The following FRMD6 variants were observed in gnomAD, a reference collection of about 807,000 sequenced individuals.
FRMD6 encodes the protein FERM domain containing 6.
A neutral mutation model predicts 73.2 loss-of-function variants in FRMD6; 37 were observed. The ratio of observed to expected loss-of-function variants is 0.51; its 90% confidence interval spans 0.39 to 0.66. FRMD6 has a LOEUF of 0.66. Ranked by LOEUF, FRMD6 falls within the 30% of genes least tolerant of loss-of-function variation. FRMD6 has a pLI of 0.00. For synonymous variants in FRMD6, 273 were observed against 282.2 expected, an observed-to-expected ratio of 0.97 and a Z score of 0.33; for missense variants, 714 against 780.5, an observed-to-expected ratio of 0.91 and a Z score of 1.02.
At chr14:51,607,561 G>T (rs1890313406) in intron 2 of FRMD6, among the ~76,000 whole-genome samples, 2 of 152,020 alleles carry the variant, frequency 1.3e-5, no homozygotes, top group Non-Finnish European at 2.9e-5. Flanking sequence ...CAAAATACAG[G>T]TAAAGCCAAG....
At chr14:51,520,423 A>G (rs1399818652) in intron 1 of FRMD6, among the ~76,000 whole-genome samples, 1 of 152,216 alleles carries the variant, frequency 6.6e-6, no homozygotes, top group Non-Finnish European at 1.5e-5. Context: ...TGATACAACA[A>G]TTCCTCTCCT....
At chr14:51,633,330 G>T (rs374754584) in intron 2 of FRMD6, among the ~76,000 whole-genome samples, 1 of 149,500 alleles carries the variant, frequency 6.7e-6, no homozygotes. Flanking sequence ...GGCTGGGTGC[G>T]GTAGCTCATG....
the FRMD6 span, among the ~76,000 whole-genome samples, chr14:51,421,319 A>G: frequency 1.3e-5 from 2 of 152,224 alleles, no homozygotes; most frequent in Non-Finnish European, 2.9e-5. Flanking sequence ...CTGGATTGAA[A>G]GCAGCAGGAA....
intron 2 of FRMD6, among the ~76,000 whole-genome samples, chr14:51,639,067 T>TA (rs1436764188): frequency 8.5e-5 from 13 of 152,088 alleles, no homozygotes; most frequent in African/African-American, 3.1e-4. Context: ...ATTTTTTTTT[T>TA]TTATTAAAAC....
chr14:51,700,925 GT>G (rs1471059983), intron 3 of FRMD6, 130 bp from the exon 4 acceptor site: 1 of 448,478 alleles, frequency 2.2e-6, no homozygotes, highest in Non-Finnish European at 4.0e-6. Context: ...ATCTCTTTGG[GT>G]TTTCTAGTAT....
intron 1 of FRMD6, among the ~76,000 whole-genome samples, chr14:51,681,201 C>G (rs1028820773): frequency 6.6e-6 from 1 of 152,150 alleles, no homozygotes; most frequent in Non-Finnish European, 1.5e-5. Flanking sequence ...TTCCTAACCC[C>G]GAGGTTAACC....
intron 1 of FRMD6, among the ~76,000 whole-genome samples, chr14:51,667,907 T>C (rs183521694): frequency 1.3e-5 from 2 of 152,322 alleles, no homozygotes; most frequent in African/African-American, 4.8e-5. Context: ...TGGTTTGTAA[T>C]TGACTAAATT....
chr14:51,469,727 C>G, the FRMD6 span, among the ~76,000 whole-genome samples: 3 of 148,704 alleles, frequency 2.0e-5, no homozygotes, highest in Non-Finnish European at 1.5e-5. Context: ...ATGAGAAATA[C>G]TTTATTTTTT....
intron 2 of FRMD6, among the ~76,000 whole-genome samples, chr14:51,615,308 T>G (rs1890667638): frequency 6.6e-6 from 1 of 152,230 alleles, no homozygotes; most frequent in African/African-American, 2.4e-5. Context: ...TGTTGATCCT[T>G]ATTTCTTCTA....
the FRMD6 span, among the ~76,000 whole-genome samples, chr14:51,450,469 A>G: frequency 1.3e-4 from 20 of 152,286 alleles, 1 homozygote; most frequent in Middle Eastern, 0.017. Flanking sequence ...AATGCCTAGA[A>G]GCTCTTCCAA....
intron 1 of FRMD6, among the ~76,000 whole-genome samples, chr14:51,562,025 C>G (rs1887511651): frequency 1.3e-5 from 2 of 152,194 alleles, no homozygotes; most frequent in Non-Finnish European, 2.9e-5. Context: ...TGGCCAGAAT[C>G]AAAGATTCCC....
chr14:51,617,118 C>T (rs1890747306), intron 2 of FRMD6, among the ~76,000 whole-genome samples: 1 of 152,222 alleles, frequency 6.6e-6, no homozygotes, highest in Admixed American at 6.5e-5. Flanking sequence ...CAGTGTTGCT[C>T]TTGCTAAGGC....
At chr14:51,493,827 G>A (rs1883148640) in intron 1 of FRMD6, among the ~76,000 whole-genome samples, 2 of 152,112 alleles carry the variant, frequency 1.3e-5, no homozygotes, top group South Asian at 4.1e-4. Context: ...GTGTCAGTCT[G>A]TTCAGGCTGC....
At chr14:51,652,656 G>C (rs1335472711) in intron 1 of FRMD6, among the ~76,000 whole-genome samples, 1 of 152,218 alleles carries the variant, frequency 6.6e-6, no homozygotes, top group Non-Finnish European at 1.5e-5. Context: ...GGCGCCAGAC[G>C]GGGGCCTGGG....
the FRMD6 span, among the ~76,000 whole-genome samples, chr14:51,440,115 T>C: frequency 6.6e-6 from 1 of 152,216 alleles, no homozygotes; most frequent in South Asian, 2.1e-4. Flanking sequence ...GCAGCGCCCT[T>C]GATCTATTTA....
intron 2 of FRMD6, among the ~76,000 whole-genome samples, chr14:51,627,040 T>C (rs1447997027): frequency 3.9e-5 from 6 of 152,234 alleles, no homozygotes; most frequent in Non-Finnish European, 8.8e-5. Flanking sequence ...TGCCTAATGA[T>C]CTGATATTTA....
the FRMD6 span, among the ~76,000 whole-genome samples, chr14:51,462,715 A>C: frequency 1.3e-5 from 2 of 152,100 alleles, no homozygotes; most frequent in African/African-American, 2.4e-5. Flanking sequence ...TTGGAAGTTG[A>C]ATTGTGAAGA....
At chr14:51,614,358 G>A (rs80289824) in intron 2 of FRMD6, among the ~76,000 whole-genome samples, 31,764 of 151,994 alleles carry the variant, frequency 0.21, 3,674 homozygotes, top group East Asian at 0.29. Context: ...AACAAAGATT[G>A]TCTTTTTGTT....
At chr14:51,606,590 T>C (rs989861895) in intron 2 of FRMD6, among the ~76,000 whole-genome samples, 3 of 152,084 alleles carry the variant, frequency 2.0e-5, no homozygotes, top group Non-Finnish European at 4.4e-5. Flanking sequence ...AGCTCTAGGA[T>C]TGAGTGTCTG....
Sources: gnomAD v4.1 joint callset for allele counts (sites outside exome capture counted in the v4.1 genomes callset) on GRCh38, gnomAD v4.1.1 for gene constraint, MANE v1.5 for transcripts, NCBI Gene and HGNC (gene_info 2026-07-23, HGNC 2026-07-21) for gene names.